PPARGC1A: variants seen among roughly 807,000 people sequenced by gnomAD.
PPARGC1A encodes PPARG coactivator 1 alpha.
Under a neutral mutation model 88.7 loss-of-function variants are expected in PPARGC1A, and 25 were observed. That is an observed-to-expected ratio of 0.28 (90% CI 0.21 to 0.39). PPARGC1A has a LOEUF of 0.39. Ranked by LOEUF, PPARGC1A falls within the 10% of genes least tolerant of loss-of-function variation. The pLI, the probability that PPARGC1A is intolerant of heterozygous loss-of-function variation, is 1.00. For missense variants in PPARGC1A, 880 were observed against 968.7 expected, an observed-to-expected ratio of 0.91 and a Z score of 1.22; for synonymous variants, 363 against 355.6, an observed-to-expected ratio of 1.02 and a Z score of -0.24.
At chr4:24,109,019 CCACA>C in the PPARGC1A span, among the ~76,000 whole-genome samples, 7 of 140,732 alleles carry the variant, frequency 5.0e-5, no homozygotes, top group South Asian at 2.3e-4. Context: ...CACACACACA[CCACA>C]CACACACACA....
the PPARGC1A span, among the ~76,000 whole-genome samples, chr4:24,464,453 T>C: frequency 2.0e-5 from 3 of 152,234 alleles, no homozygotes; most frequent in African/African-American, 4.8e-5. Context: ...ATTGTTAACA[T>C]TAGGGACTAA....
the PPARGC1A span, among the ~76,000 whole-genome samples, chr4:24,204,090 C>A: frequency 3.3e-5 from 5 of 152,134 alleles, no homozygotes; most frequent in African/African-American, 1.2e-4. Flanking sequence ...AGTATAGTAT[C>A]AGTTAGAAAA....
the PPARGC1A span, among the ~76,000 whole-genome samples, chr4:24,267,152 G>C: frequency 6.6e-6 from 1 of 152,128 alleles, no homozygotes; most frequent in African/African-American, 2.4e-5. Flanking sequence ...GCAAGAGGTT[G>C]GGCAACATTT....
chr4:24,258,049 G>A, the PPARGC1A span, among the ~76,000 whole-genome samples: 7 of 152,064 alleles, frequency 4.6e-5, no homozygotes, highest in African/African-American at 1.7e-4. Flanking sequence ...AAACATTAGA[G>A]TTCAGAAACA....
chr4:24,127,041 C>T, the PPARGC1A span, among the ~76,000 whole-genome samples: 1 of 152,270 alleles, frequency 6.6e-6, no homozygotes, highest in East Asian at 1.9e-4. Flanking sequence ...TCCTTTCATA[C>T]TGCAGGTGAC....
At chr4:23,858,345 A>T (rs553281445) in intron 2 of PPARGC1A, among the ~76,000 whole-genome samples, 24 of 152,156 alleles carry the variant, frequency 1.6e-4, no homozygotes, top group Admixed American at 6.5e-5. Flanking sequence ...ATGATAGGTG[A>T]TCAGTAAATG....
the PPARGC1A span, among the ~76,000 whole-genome samples, chr4:23,977,106 T>C: frequency 8.4e-4 from 127 of 151,764 alleles, 1 homozygote; most frequent in Non-Finnish European, 1.6e-3. Context: ...GAAAAAGAGA[T>C]GGAGAGGCAG....
intron 2 of PPARGC1A, among the ~76,000 whole-genome samples, chr4:23,846,368 CTGTTTTGGAA>C (rs1728326513): frequency 1.3e-5 from 2 of 152,180 alleles, no homozygotes; most frequent in Non-Finnish European, 2.9e-5. Flanking sequence ...AATTCTACAT[CTGTTTTGGAA>C]CTATTGGCTC....
chr4:24,229,720 C>T, the PPARGC1A span, among the ~76,000 whole-genome samples: 13 of 151,684 alleles, frequency 8.6e-5, no homozygotes, highest in Admixed American at 8.5e-4. Flanking sequence ...TGGCACATGC[C>T]TGTAATCCGA....
At chr4:24,410,012 CCACTCAAATGTGTACTGCTG>C in the PPARGC1A span, among the ~76,000 whole-genome samples, 5 of 152,152 alleles carry the variant, frequency 3.3e-5, no homozygotes, top group Non-Finnish European at 5.9e-5. Flanking sequence ...ATAAATTAAT[CCACTCAAATGTGTACTGCTG>C]TATCAAGAAC....
At chr4:24,359,187 A>G in the PPARGC1A span, among the ~76,000 whole-genome samples, 27 of 152,240 alleles carry the variant, frequency 1.8e-4, 1 homozygote, top group Admixed American at 1.8e-3. Flanking sequence ...CTGCGAGTTT[A>G]GAGCCTAGTA....
upstream of PPARGC1A, among the ~76,000 whole-genome samples, chr4:23,906,338 C>T (rs770718091): frequency 9.9e-5 from 15 of 151,508 alleles, no homozygotes; most frequent in Non-Finnish European, 1.5e-4. Context: ...TCCAGCCGGG[C>T]GCGGTGGCTC....
chr4:24,010,074 G>C, the PPARGC1A span, among the ~76,000 whole-genome samples: 1 of 152,160 alleles, frequency 6.6e-6, no homozygotes, highest in African/African-American at 2.4e-5. Flanking sequence ...AGGCTACATT[G>C]GTTCGGAAAG....
the PPARGC1A span, among the ~76,000 whole-genome samples, chr4:24,001,944 T>C: frequency 6.6e-6 from 1 of 152,036 alleles, no homozygotes; most frequent in Non-Finnish European, 1.5e-5. Context: ...GGCCAAATCA[T>C]ACATCTATCA....
the PPARGC1A span, among the ~76,000 whole-genome samples, chr4:24,246,627 T>C: frequency 6.6e-6 from 1 of 152,194 alleles, no homozygotes; most frequent in Admixed American, 6.5e-5. Flanking sequence ...AATAAATTAA[T>C]GAATTTAATT....
chr4:23,979,967 C>T, the PPARGC1A span, among the ~76,000 whole-genome samples: 91 of 152,146 alleles, frequency 6.0e-4, no homozygotes, highest in Non-Finnish European at 1.0e-3. Flanking sequence ...TGGCTCTCTC[C>T]TAGCCAGGGG....
chr4:24,233,524 T>C, the PPARGC1A span, among the ~76,000 whole-genome samples: 1 of 151,938 alleles, frequency 6.6e-6, no homozygotes, highest in African/African-American at 2.4e-5. Flanking sequence ...CCAGACTCAA[T>C]GGGCTCTAAT....
At chr4:24,276,571 T>C in the PPARGC1A span, among the ~76,000 whole-genome samples, 5 of 152,306 alleles carry the variant, frequency 3.3e-5, no homozygotes, top group East Asian at 7.7e-4. Context: ...GTGATCATAT[T>C]TGAGAGGCAT....
At chr4:24,165,157 T>C in the PPARGC1A span, among the ~76,000 whole-genome samples, 2 of 152,100 alleles carry the variant, frequency 1.3e-5, no homozygotes, top group Non-Finnish European at 2.9e-5. Context: ...AAATTTCTAA[T>C]GGACATATTA....
Sources: allele counts gnomAD v4.1 joint callset (sites outside exome capture counted in the v4.1 genomes callset), GRCh38; gene constraint gnomAD v4.1.1; transcripts MANE v1.5; gene names NCBI Gene and HGNC (gene_info 2026-07-23, HGNC 2026-07-21).